KCNK9: variants seen among roughly 807,000 people sequenced by gnomAD.
KCNK9 encodes the protein potassium channel subfamily K member 9.
KCNK9 carries 1 observed loss-of-function variant against 10.8 expected under a neutral mutation model. The ratio of observed to expected loss-of-function variants is 0.09; its 90% confidence interval spans 0.03 to 0.44. The LOEUF (loss-of-function observed/expected upper bound fraction) is 0.44. Ranked by LOEUF, KCNK9 falls within the 20% of genes least tolerant of loss-of-function variation. The pLI, the probability that KCNK9 is intolerant of heterozygous loss-of-function variation, is 0.97. For synonymous variants in KCNK9, 231 were observed against 222.7 expected (o/e 1.04, Z -0.33); for missense variants, 303 against 515.0 (o/e 0.59, Z 3.98).
intron 1 of KCNK9, among the ~76,000 whole-genome samples, chr8:139,671,531 G>A (rs1255570067): frequency 1.8e-3 from 145 of 82,846 alleles, no homozygotes; most frequent in African/African-American, 7.4e-3. Context: ...TTTTTTTTTA[G>A]ATGGAGTCTT....
chr8:139,687,578 AT>A, intron 1 of KCNK9, among the ~76,000 whole-genome samples: 1 of 76,146 alleles, frequency 1.3e-5, no homozygotes, highest in Admixed American at 1.6e-4. Context: ...ATTCATATAT[AT>A]GTATACATAT....
intron 1 of KCNK9, among the ~76,000 whole-genome samples, chr8:139,686,737 T>G (rs1474338449): frequency 6.6e-6 from 1 of 152,234 alleles, no homozygotes; most frequent in East Asian, 1.9e-4. Context: ...TTCTCCTACC[T>G]AATCATTTTG....
intron 1 of KCNK9, among the ~76,000 whole-genome samples, chr8:139,687,201 T>A (rs1418062336): frequency 6.6e-6 from 1 of 151,812 alleles, no homozygotes; most frequent in Non-Finnish European, 1.5e-5. Context: ...AAACATTTCA[T>A]CCTCTTCTAT....
At chr8:139,635,910 T>A (rs1160404762) in intron 1 of KCNK9, among the ~76,000 whole-genome samples, 1 of 152,218 alleles carries the variant, frequency 6.6e-6, no homozygotes, top group Non-Finnish European at 1.5e-5. Flanking sequence ...TGTGCTATCA[T>A]ATTGCCAATA....
chr8:139,619,160 G>T (rs1432111609), intron 1 of KCNK9, 61 bp from the exon 2 acceptor site: 3 of 1,596,396 alleles, frequency 1.9e-6, no homozygotes, highest in Non-Finnish European at 2.6e-6. Flanking sequence ...GAGGTTGGGG[G>T]AAGGGAGGGT....
intron 1 of KCNK9, among the ~76,000 whole-genome samples, chr8:139,669,653 T>C (rs935073169): frequency 4.6e-5 from 7 of 152,232 alleles, no homozygotes; most frequent in Non-Finnish European, 1.0e-4. Flanking sequence ...TCAACTGAAG[T>C]CTTGAACCCC....
intron 1 of KCNK9, among the ~76,000 whole-genome samples, chr8:139,700,543 C>T (rs985438973): frequency 2.1e-5 from 3 of 140,268 alleles, no homozygotes; most frequent in African/African-American, 5.5e-5. Flanking sequence ...CACACACGCG[C>T]GCACACACAC....
intron 1 of KCNK9, among the ~76,000 whole-genome samples, chr8:139,627,067 T>G (rs895292895): frequency 1.2e-4 from 18 of 152,158 alleles, no homozygotes; most frequent in African/African-American, 4.3e-4. Context: ...AATCAGTGGG[T>G]CCCAAAGTCT....
chr8:139,601,333 C>A (rs932728344), exon 3 of KCNK9: 1 of 152,202 alleles, frequency 6.6e-6, no homozygotes, highest in Non-Finnish European at 1.5e-5. Context: ...CCATCCAAAC[C>A]GTTCTCTCTT....
intron 1 of KCNK9, among the ~76,000 whole-genome samples, chr8:139,696,087 A>G (rs1817044081): frequency 6.6e-6 from 1 of 152,176 alleles, no homozygotes; most frequent in East Asian, 1.9e-4. Flanking sequence ...CCCCTTGAAG[A>G]GAAGCCATCC....
At chr8:139,612,512 G>A (rs1211798059), downstream of KCNK9, 1 of 150,824 alleles carries the variant, frequency 6.6e-6, no homozygotes, top group Admixed American at 6.6e-5. Context: ...TCCTGTCTAT[G>A]TGTAGCTGGA....
chr8:139,647,046 A>C (rs552257029), intron 1 of KCNK9, among the ~76,000 whole-genome samples: 3 of 152,324 alleles, frequency 2.0e-5, no homozygotes, highest in South Asian at 2.1e-4. Flanking sequence ...CAGACCCTAC[A>C]CAAGGGACCT....
chr8:139,659,561 G>C lies in KCNK9; in HGVS notation c.284-40462C>G, dbSNP rs187060206. On this transcript the variant is annotated intron_variant, in intron 1 of 1. Transcript: ENST00000520439. ...GAGTCTCGCTCTGTCACCCAGGCTG[G>C]AGTGCAATGGCACAATCTCGGCTCA... Among the ~76,000 whole-genome samples the C allele has an allele frequency of 7.3e-3, 1,108 of 152,220 alleles. 28 individuals carry two copies. The highest frequency in any genetic ancestry group is 6.4e-3 in the Non-Finnish European group (436 of 68,026).
intron 1 of KCNK9, among the ~76,000 whole-genome samples, chr8:139,665,791 G>C (rs879479760): frequency 6.6e-6 from 1 of 152,122 alleles, no homozygotes; most frequent in Non-Finnish European, 1.5e-5. Flanking sequence ...AGTGCCCTGG[G>C]GTCTTGTCAG....
Position 139,667,154 on chromosome 8 carries a change from G to A in KCNK9, c.283+35556C>T, listed in dbSNP as rs145790650. Among the ~76,000 whole-genome samples, 56 of 152,266 alleles carry A rather than the reference G, an allele frequency of 3.7e-4. No individual in the cohort carries two copies. The East Asian group carries it at 6.4e-3, about 17-fold the overall frequency. ...CCAAGGCACACACCATCTCAGAAGC[G>A]CCCGAGTGGGCTGGGATTCTGGCCC... On this transcript the variant is annotated intron_variant, in intron 1 of 1. Transcript: ENST00000520439.
chr8:139,700,093 A>C (rs539092150), intron 1 of KCNK9, among the ~76,000 whole-genome samples: 13 of 152,272 alleles, frequency 8.5e-5, no homozygotes, highest in East Asian at 3.9e-4. Context: ...AGAAAAAAAA[A>C]CAAACAGAAT....
intron 1 of KCNK9, among the ~76,000 whole-genome samples, chr8:139,695,155 A>C (rs1817020842): frequency 6.6e-6 from 1 of 152,204 alleles, no homozygotes; most frequent in Non-Finnish European, 1.5e-5. Flanking sequence ...TACCAATGCA[A>C]GACAGGGACA....
chr8:139,616,445 GA>G (rs1479410135), downstream of KCNK9: 2 of 152,190 alleles, frequency 1.3e-5, no homozygotes, highest in African/African-American at 4.8e-5. Flanking sequence ...AGACTCCTTC[GA>G]AGGCCCTGTG....
At chr8:139,616,243 T>C (rs754010023), downstream of KCNK9, 1 of 152,224 alleles carries the variant, frequency 6.6e-6, no homozygotes, top group Non-Finnish European at 1.5e-5. Context: ...TTAGGGCTTT[T>C]ATACCTCTGA....
Sources: gnomAD v4.1 joint callset for allele counts (sites outside exome capture counted in the v4.1 genomes callset) on GRCh38, gnomAD v4.1.1 for gene constraint, MANE v1.5 for transcripts, NCBI Gene and HGNC (gene_info 2026-07-23, HGNC 2026-07-21) for gene names.